Variants in ZFP36 observed in about 807,000 individuals in gnomAD.
The protein encoded by ZFP36 is ZFP36 zinc finger CCCH-type, also known as mRNA decay activator protein ZFP36.
In ZFP36, 13 loss-of-function variants were observed where a neutral mutation model predicts 19.8. That is an observed-to-expected ratio of 0.66 (90% CI 0.43 to 1.04). The LOEUF is 1.04. ZFP36 is among the 50% of genes least tolerant of loss of function. ZFP36 has a pLI of 0.00. For synonymous variants in ZFP36, 191 were observed against 194.5 expected (o/e 0.98, Z 0.15); for missense variants, 354 against 441.6 (o/e 0.80, Z 1.78).
rs1424270776 is a variant in ZFP36 at position 39,408,267 on chromosome 19, G to C, written c.549G>C (p.Gln183His). 3 of 1,613,518 alleles carry C rather than the reference G, an allele frequency of 1.9e-6. No homozygotes were observed. The highest frequency in any genetic ancestry group is 2.5e-6 in the Non-Finnish European group (3 of 1,179,928). ...AAPGHPPVLR[Q>H]SISFSGLPSG... ...CGGGCCACCCTCCTGTGCTTCGCCA[G>C]AGCATCAGCTTCTCCGGCCTGCCCT... is the stretch of plus-strand genomic sequence containing the variant. Residue 183 changes from glutamine to histidine, a missense_variant, in exon 2 of 2, where the codon CAG becomes CAC. Gln to His is a conservative substitution (Grantham distance 24). Transcript: ENST00000597629. The surrounding 1 kb of genome is among the most constrained non-coding windows in gnomAD (Gnocchi z 6.0).
chr19:39,408,694 G>T lies in ZFP36; in HGVS notation c.976G>T (p.Glu326Ter). The T allele has an allele frequency of 1.9e-6, 3 of 1,556,274 alleles. No individual in the cohort carries two copies. Among genetic ancestry groups the T allele is most frequent in the Non-Finnish European group, 1.7e-6 (2 of 1,157,048 alleles). ...LPIFNRISVSE is the reference protein window; with the variant it reads ...LPIFNRISVS ...CATCTTCAATCGCATCTCTGTTTCT[G>T]AGTGACAAAGTGACTGCCCGGTCAG... Residue 326 changes from glutamate to a stop codon, truncating the protein, a stop_gained, in exon 2 of 2, where the codon GAG (glutamate) becomes TAG (stop). Coordinates refer to ENST00000597629, the MANE Select transcript of ZFP36 (RefSeq NM_003407.5). LOFTEE classifies it high-confidence loss of function. The surrounding 1 kb of genome is among the most constrained non-coding windows in gnomAD (Gnocchi z 6.0).
At position 39,408,479 on chromosome 19, in the gene ZFP36, G is replaced by A. The variant is rs1289384569; in HGVS notation, c.761G>A (p.Arg254Gln). Residue 254 changes from arginine (R) to glutamine (Q), a missense_variant, in exon 2 of 2, where the codon CGA becomes CAA. Transcript: ENST00000597629. This position sits in a 1 kb window ranked among gnomAD's most constrained non-coding sequence, Gnocchi z 6.0. Reference sequence around the variant, plus strand: ...ACCCCAGTCTGTTGCCCCTCCTGCCGAAGGGCCACTCCTATCAGCGTCTGG... The same window carrying A: ...ACCCCAGTCTGTTGCCCCTCCTGCCAAAGGGCCACTCCTATCAGCGTCTGG... ...DPTPVCCPSC[R>Q]RATPISVWGP... The A allele has an allele frequency of 3.1e-6, 5 of 1,607,446 alleles. No individual in the cohort carries two copies. Among genetic ancestry groups the A allele is most frequent in the African/African-American group, 1.3e-5 (1 of 74,754 alleles).
Position 39,406,871 on chromosome 19 carries a change from T to G in ZFP36, c.-34T>G, listed in dbSNP as rs756631594. On this transcript the variant is annotated 5_prime_UTR_variant, in exon 1 of 2. Coordinates refer to ENST00000597629, the MANE Select transcript of ZFP36 (RefSeq NM_003407.5). The stretch of plus-strand genomic sequence containing the variant: ...CAGCCTGACTTCAGCGCTCCCACTC[T>G]CGGCCGACACCCCTCATGGCCAACC... 6.4e-7 allele frequency: 1 copy of G among 1,560,794 alleles called. No homozygotes were observed. Among genetic ancestry groups the G allele is most frequent in the Non-Finnish European group, 8.7e-7 (1 of 1,151,360 alleles).
Position 39,406,895 on chromosome 19 carries a change from C to T in ZFP36, c.-10C>T. On this transcript the variant is annotated 5_prime_UTR_variant, in exon 1 of 2. Coordinates refer to ENST00000597629, the MANE Select transcript of ZFP36 (RefSeq NM_003407.5). ...CTCGGCCGACACCCCTCATGGCCAACCGTTACACCATGGATCTGACTGCCA... is the reference window on the plus strand; with the variant it reads ...CTCGGCCGACACCCCTCATGGCCAATCGTTACACCATGGATCTGACTGCCA... The T allele has an allele frequency of 6.2e-7, 1 of 1,610,604 alleles. No homozygotes were observed. Among genetic ancestry groups the T allele is most frequent in the East Asian group, 2.2e-5 (1 of 44,506 alleles).
In ZFP36 at chr19:39,408,456, C is replaced by G; in HGVS notation, c.738C>G (p.Thr246=). ...PGTPLARRDP[T]PVCCPSCRRA... Reference sequence around the variant, plus strand: ...CCCCCCTGGCTCGAAGAGACCCCACCCCAGTCTGTTGCCCCTCCTGCCGAA... The same window carrying G: ...CCCCCCTGGCTCGAAGAGACCCCACGCCAGTCTGTTGCCCCTCCTGCCGAA... Residue 246 remains threonine (T), a synonymous_variant, in exon 2 of 2, where the codon ACC becomes ACG. Coordinates refer to ENST00000597629, the MANE Select transcript of ZFP36 (RefSeq NM_003407.5). This position sits in a 1 kb window ranked among gnomAD's most constrained non-coding sequence, Gnocchi z 6.0. 6.2e-7 allele frequency: 1 copy of G among 1,610,632 alleles called. No homozygotes were observed. The highest frequency in any genetic ancestry group is 1.3e-5 in the African/African-American group (1 of 74,954).
Position 39,408,933 on chromosome 19 carries a change from G to A in ZFP36, c.*234G>A. 2.4e-6 allele frequency: 1 copy of A among 416,032 alleles called. No individual in the cohort carries two copies. Among genetic ancestry groups the A allele is most frequent in the East Asian group, 3.7e-5 (1 of 27,108 alleles). The allele number at this position is 416,032 out of a possible 1,614,324, so 25.8% of individuals were successfully genotyped here. A position where few individuals can be genotyped will look rare whatever the true frequency, so the allele number is the denominator to read the frequency against. On this transcript the variant is annotated 3_prime_UTR_variant, in exon 2 of 2. Coordinates refer to ENST00000597629, the MANE Select transcript of ZFP36 (RefSeq NM_003407.5). The surrounding 1 kb of genome is among the most constrained non-coding windows in gnomAD (Gnocchi z 6.0). ...TGGAGTGTCTTCCGAGGTTCTTGGG[G>A]GAAAAAAAATTGTAGCATATTTAAG...
At position 39,408,193 on chromosome 19, in the gene ZFP36, G is replaced by A. The variant is rs1056267518; in HGVS notation, c.475G>A (p.Gly159Ser). The A allele has an allele frequency of 4.3e-6, 7 of 1,613,806 alleles. No homozygotes were observed. In the South Asian group the frequency reaches 4.4e-5, roughly 10 times the overall value. The stretch of plus-strand genomic sequence containing the variant: ...CTACCTCCAGGGCCGCTGCCCCTAC[G>A]GCTCTCGCTGCCACTTCATCCACAA... ...KFYLQGRCPY[G>S]SRCHFIHNPS... The change falls in exon 2 of 2, where the codon GGC becomes AGC. Residue 159 changes from glycine (G) to serine (S), a missense_variant. Coordinates refer to ENST00000597629, the MANE Select transcript of ZFP36 (RefSeq NM_003407.5). The surrounding 1 kb of genome is among the most constrained non-coding windows in gnomAD (Gnocchi z 6.0).
Position 39,408,780 on chromosome 19 carries a change from G to C in ZFP36, c.*81G>C, listed in dbSNP as rs1325291299. On this transcript the variant is annotated 3_prime_UTR_variant, in exon 2 of 2. Coordinates refer to ENST00000597629, the MANE Select transcript of ZFP36 (RefSeq NM_003407.5). The surrounding 1 kb of genome is among the most constrained non-coding windows in gnomAD (Gnocchi z 6.0). ...CACTGTGGTCTCTGCATGGACCCCA[G>C]GGCTGTGGGGACTTGGGGGACAGTA... 2.2e-6 allele frequency: 3 copies of C among 1,347,934 alleles called. No homozygotes were observed. The highest frequency in any genetic ancestry group is 3.0e-6 in the Non-Finnish European group (3 of 998,642). The allele number at this position is 1,347,934 out of a possible 1,614,324, so 83.5% of individuals were successfully genotyped here. A position where few individuals can be genotyped will look rare whatever the true frequency, so the allele number is the denominator to read the frequency against.
chr19:39,406,985 C>A, intron 1 of ZFP36, 57 bp downstream of exon 1: 1 of 1,593,806 alleles, frequency 6.3e-7, no homozygotes, highest in South Asian at 1.1e-5. Flanking sequence ...CGAGTCCCCA[C>A]CTCTCTAGCG....
rs1568383036 is a variant in ZFP36 at position 39,407,676 on chromosome 19, G to C, written c.25-67G>C. ...CCACAAACCGGCCTGGCAAGCTCTA[G>C]TTCCCTGCAGCTGGGGTGGGGCGTC... is the stretch of plus-strand genomic sequence containing the variant. On this transcript the variant is annotated intron_variant, in intron 1 of 1. Transcript: ENST00000597629. This position sits in a 1 kb window ranked among gnomAD's most constrained non-coding sequence, Gnocchi z 7.6. The C allele has an allele frequency of 8.3e-6, 12 of 1,437,620 alleles. No individual in the cohort carries two copies. The highest frequency in any genetic ancestry group is 4.6e-6 in the Non-Finnish European group (5 of 1,079,388). The allele number at this position is 1,437,620 out of a possible 1,614,324, so 89.1% of individuals were successfully genotyped here. A position where few individuals can be genotyped will look rare whatever the true frequency, so the allele number is the denominator to read the frequency against.
In ZFP36 at chr19:39,408,006, A is replaced by C. The variant is rs755783619; in HGVS notation, c.288A>C (p.Ala96=). 1.2e-6 allele frequency: 2 copies of C among 1,611,922 alleles called. No homozygotes were observed. The highest frequency in any genetic ancestry group is 1.7e-5 in the Admixed American group (1 of 60,000). The change falls in exon 2 of 2, where the codon GCA becomes GCC. Residue 96 remains alanine, a synonymous_variant. Transcript: ENST00000597629. This position sits in a 1 kb window ranked among gnomAD's most constrained non-coding sequence, Gnocchi z 6.0. The part of the protein sequence containing the change: ...ELSPSPTSPT[A]TSTTPSRYKT... ...CACCCTCACCCACTTCGCCCACTGC[A>C]ACCTCCACCACCCCCTCGCGCTACA...
rs17879933 is a variant in ZFP36 at position 39,409,276 on chromosome 19, C to CT, written c.*584dup. On this transcript the variant is annotated 3_prime_UTR_variant, in exon 2 of 2. Transcript: ENST00000597629. ...GTCTGCTTCCCTTGTATTTTTCTTC[C>CT]TTTTTTTGTAATATTGAAAACGACG... 2.0e-5 allele frequency: 3 copies of CT among 151,868 alleles called. No homozygotes were observed. Among genetic ancestry groups the CT allele is most frequent in the Non-Finnish European group, 4.4e-5 (3 of 67,910 alleles). The allele number at this position is 151,868 out of a possible 1,614,324, so 9.4% of individuals were successfully genotyped here. A position where few individuals can be genotyped will look rare whatever the true frequency, so the allele number is the denominator to read the frequency against.
rs2078485315 is a variant in ZFP36, at chr19:39,407,932, C to T, written c.214C>T (p.Pro72Ser). ...VEGRSCGWVP[P>S]PPGFAPLAPR... The stretch of plus-strand genomic sequence containing the variant: ...GGGCCGCAGCTGTGGCTGGGTGCCC[C>T]CACCCCCTGGCTTCGCACCGCTGGC... The change falls in exon 2 of 2, where the codon CCA (proline) becomes TCA (serine). Residue 72 changes from proline (P) to serine (S), a missense_variant. Coordinates refer to ENST00000597629, the MANE Select transcript of ZFP36 (RefSeq NM_003407.5). The surrounding 1 kb of genome is among the most constrained non-coding windows in gnomAD (Gnocchi z 7.6). 9 of 1,596,126 alleles carry T rather than the reference C, an allele frequency of 5.6e-6. No homozygotes were observed. Among genetic ancestry groups the T allele is most frequent in the Admixed American group, 1.7e-5 (1 of 59,468 alleles).
In ZFP36 at chr19:39,407,511, G is replaced by T. The variant is rs994226110; in HGVS notation, c.25-232G>T. 2.1e-6 allele frequency: 1 copy of T among 470,814 alleles called. No homozygotes were observed. Among genetic ancestry groups the T allele is most frequent in the Non-Finnish European group, 3.7e-6 (1 of 266,934 alleles). The allele number at this position is 470,814 out of a possible 1,614,324, so 29.2% of individuals were successfully genotyped here. ...GCCCTGACTTCGGGGTCCCCCTCTT[G>T]GTCCAGCCGGGGAAGCCGGGATTCC... On this transcript the variant is annotated intron_variant, in intron 1 of 1. Coordinates refer to ENST00000597629, the MANE Select transcript of ZFP36 (RefSeq NM_003407.5). This position sits in a 1 kb window ranked among gnomAD's most constrained non-coding sequence, Gnocchi z 7.6.
chr19:39,407,999 C>A lies in ZFP36; in HGVS notation c.281C>A (p.Pro94His), dbSNP rs1399774026. 6.2e-7 allele frequency: 1 copy of A among 1,611,246 alleles called. No homozygotes were observed. Among genetic ancestry groups the A allele is most frequent in the Admixed American group, 1.7e-5 (1 of 60,010 alleles). ...GAGCTGTCACCCTCACCCACTTCGC[C>A]CACTGCAACCTCCACCACCCCCTCG... ...GPELSPSPTS[P>H]TATSTTPSRY... is the part of the protein sequence containing the mutation. Residue 94 changes from proline (P) to histidine (H), a missense_variant, in exon 2 of 2, where the codon CCC (proline) becomes CAC (histidine). Pro to His is a moderately conservative substitution (Grantham distance 77, BLOSUM62 -2). Coordinates refer to ENST00000597629, the MANE Select transcript of ZFP36 (RefSeq NM_003407.5). The surrounding 1 kb of genome is among the most constrained non-coding windows in gnomAD (Gnocchi z 7.6).
intron 1 of ZFP36, 46 bp downstream of exon 1, chr19:39,406,974 C>G (rs1198450955): frequency 1.2e-6 from 2 of 1,604,284 alleles, no homozygotes; most frequent in South Asian, 1.1e-5. Context: ...ATGCCTGAGT[C>G]CGAGTCCCCA....
Position 39,407,254 on chromosome 19 carries a change from G to T in ZFP36, c.24+326G>T, listed in dbSNP as rs2145963438. ...CATACCTGGCTCACCCCTAGTCGTT[G>T]CTGAGGGCGTGGTTTTGCGCGGAGG... On this transcript the variant is annotated intron_variant, in intron 1 of 1. Transcript: ENST00000597629. This position sits in a 1 kb window ranked among gnomAD's most constrained non-coding sequence, Gnocchi z 7.6. The T allele has an allele frequency of 2.0e-6, 1 of 503,114 alleles. No homozygotes were observed. The highest frequency in any genetic ancestry group is 3.4e-5 in the East Asian group (1 of 29,192). The allele number at this position is 503,114 out of a possible 1,614,324, so 31.2% of individuals were successfully genotyped here.
At position 39,408,952 on chromosome 19, in the gene ZFP36, A is replaced by C. The variant is rs940604540; in HGVS notation, c.*253A>C. The C allele has an allele frequency of 2.1e-5, 8 of 386,630 alleles. No homozygotes were observed. In the Admixed American group the frequency reaches 3.3e-4, roughly 16 times the overall value. The allele number at this position is 386,630 out of a possible 1,614,324, so 23.9% of individuals were successfully genotyped here. On this transcript the variant is annotated 3_prime_UTR_variant, in exon 2 of 2. Transcript: ENST00000597629. The surrounding 1 kb of genome is among the most constrained non-coding windows in gnomAD (Gnocchi z 6.0). ...CTTGGGGGAAAAAAAATTGTAGCAT[A>C]TTTAAGGGAGGCAATGAACCCTCTC... is the stretch of plus-strand genomic sequence containing the variant.
rs760473318 is a variant in ZFP36 at position 39,408,305 on chromosome 19, C to A, written c.587C>A (p.Thr196Asn). The stretch of plus-strand genomic sequence containing the variant: ...TCCGGCCTGCCCTCTGGCCGCCGGA[C>A]CTCACCACCACCACCAGGCCTGGCC... Reference protein sequence around the residue: ...SFSGLPSGRRTSPPPPGLAGP... With the variant: ...SFSGLPSGRRNSPPPPGLAGP... Residue 196 changes from threonine (T) to asparagine (N), a missense_variant, in exon 2 of 2, where the codon ACC (threonine) becomes AAC (asparagine). By Grantham distance (65) the Thr-to-Asn change is moderately conservative. Coordinates refer to ENST00000597629, the MANE Select transcript of ZFP36 (RefSeq NM_003407.5). The surrounding 1 kb of genome is among the most constrained non-coding windows in gnomAD (Gnocchi z 6.0). The A allele has an allele frequency of 8.7e-6, 14 of 1,613,228 alleles. No homozygotes were observed. In the South Asian group the frequency reaches 1.4e-4, roughly 16 times the overall value.
Sources: allele counts gnomAD v4.1 joint callset, GRCh38; gene constraint gnomAD v4.1.1; non-coding constraint Gnocchi (gnomAD v3.1); transcripts MANE v1.5; gene names NCBI Gene and HGNC (gene_info 2026-07-23, HGNC 2026-07-21).